The following MLXIPL variants were observed in gnomAD, a reference collection of about 807,000 sequenced individuals.
MLXIPL encodes MLX interacting protein like, also known as carbohydrate-responsive element-binding protein.
A neutral mutation model predicts 81.5 loss-of-function variants in MLXIPL; 49 were observed. That is an observed-to-expected ratio of 0.60 (90% CI 0.48 to 0.76). MLXIPL has a LOEUF of 0.76. MLXIPL is among the 30% of genes least tolerant of loss of function. The pLI is 0.00. For synonymous variants in MLXIPL, 466 were observed against 485.5 expected, an observed-to-expected ratio of 0.96 and a Z score of 0.53; for missense variants, 1,053 against 1,167.0, an observed-to-expected ratio of 0.90 and a Z score of 1.42.
chr7:73,605,545 C>T (rs1336138273), intron 7 of MLXIPL, 143 bp downstream of exon 7: 1 of 765,134 alleles, frequency 1.3e-6, no homozygotes, highest in Non-Finnish European at 2.1e-6. Context: ...GATGCCATCT[C>T]AAAATAAATA....
Position 73,605,628 on chromosome 7 carries a change from A to G in MLXIPL, c.901+60T>C, listed in dbSNP as rs1584108019. 16 of 1,544,680 alleles carry G rather than the reference A, an allele frequency of 1.0e-5. No individual in the cohort carries two copies. In the East Asian group the frequency reaches 3.1e-4, roughly 30 times the overall value. On this transcript the variant is annotated intron_variant, in intron 7 of 16. Coordinates refer to ENST00000313375, the MANE Select transcript of MLXIPL (RefSeq NM_032951.3). ...TCCCAGAGGGGCCTGGGATGGGCTC[A>G]TCGGCCTTCCTCACACAGACCCTGC...
chr7:73,607,418 G>C lies in MLXIPL; in HGVS notation c.486C>G (p.Ala162=), dbSNP rs782547072. 4.5e-6 allele frequency: 7 copies of C among 1,556,052 alleles called. No individual in the cohort carries two copies. In the East Asian group the frequency reaches 1.7e-4, roughly 38 times the overall value. ...PEADAHRKPE[A]VVLEGNYWKR... is the part of the protein sequence containing the mutation. ...TCCAGTAGTTCCCCTCCAGGACCAC[G>C]GCCTGGGGTAGGGGCCGGGGGAGGG... The change falls in exon 4 of 17, where the codon GCC becomes GCG. Residue 162 remains alanine (A), a splice_region_variant and synonymous_variant. Transcript: ENST00000313375.
intron 15 of MLXIPL, 98 bp from the exon 16 acceptor site, chr7:73,594,501 G>A: frequency 2.0e-6 from 3 of 1,484,940 alleles, no homozygotes; most frequent in Non-Finnish European, 2.8e-6. Context: ...AAAGGGCCTG[G>A]ACACTGTCTA....
chr7:73,641,904 G>A, the MLXIPL span, among the ~76,000 whole-genome samples: 3 of 151,974 alleles, frequency 2.0e-5, no homozygotes, highest in South Asian at 2.1e-4. Context: ...AAAGTGCTGG[G>A]ATTACAGACG....
At chr7:73,602,361 C>G in intron 7 of MLXIPL, among the ~76,000 whole-genome samples, 1 of 151,444 alleles carries the variant, frequency 6.6e-6, no homozygotes, top group East Asian at 2.0e-4. Context: ...ACAGGCCCCC[C>G]TGCTGCCTTT....
chr7:73,606,861 C>T lies in MLXIPL; in HGVS notation c.618+113G>A. 2.6e-6 allele frequency: 3 copies of T among 1,175,778 alleles called. No homozygotes were observed. The Admixed American group carries it at 5.9e-5, about 23-fold the overall frequency. The allele number at this position is 1,175,778 out of a possible 1,614,324, so 72.8% of individuals were successfully genotyped here. On this transcript the variant is annotated intron_variant, in intron 5 of 16. Transcript: ENST00000313375. ...GATGGCAGTAACATCCCACATTCCA[C>T]CCTCATGCCCAGCCACTGTCTTGCC...
chr7:73,595,620 G>T lies in MLXIPL; in HGVS notation c.2310+17C>A. On this transcript the variant is annotated intron_variant, in intron 15 of 16. Transcript: ENST00000313375. The stretch of plus-strand genomic sequence containing the variant: ...CAGCCCCTGCAGCCCCCCAGCCATG[G>T]GCTTGAGGGAGGATACCACCCAGAA... 6.2e-7 allele frequency: 1 copy of T among 1,614,112 alleles called. No individual in the cohort carries two copies. The highest frequency in any genetic ancestry group is 1.1e-5 in the South Asian group (1 of 91,088).
upstream of MLXIPL, among the ~76,000 whole-genome samples, chr7:73,627,857 C>T (rs1245285892): frequency 6.6e-6 from 1 of 152,066 alleles, no homozygotes; most frequent in African/African-American, 2.4e-5. Flanking sequence ...AGGTGAAGAC[C>T]GGAATTGATC....
chr7:73,632,681 C>T, the MLXIPL span, among the ~76,000 whole-genome samples: 3 of 152,048 alleles, frequency 2.0e-5, no homozygotes, highest in Non-Finnish European at 4.4e-5. Context: ...AGACAAGGGG[C>T]TTGTCACAGA....
At chr7:73,595,251 T>C (rs1554593237) in intron 15 of MLXIPL, among the ~76,000 whole-genome samples, 1 of 151,974 alleles carries the variant, frequency 6.6e-6, no homozygotes, top group Non-Finnish European at 1.5e-5. Flanking sequence ...CCATCCCCCA[T>C]CCCTGAGCTC....
intron 7 of MLXIPL, among the ~76,000 whole-genome samples, chr7:73,604,937 G>C (rs113167854): frequency 0.017 from 2,637 of 151,938 alleles, 85 homozygotes; most frequent in African/African-American, 0.061. Flanking sequence ...GCTAATTTTG[G>C]TACTTCTAGT....
the MLXIPL span, among the ~76,000 whole-genome samples, chr7:73,633,696 C>T: frequency 6.6e-6 from 1 of 152,154 alleles, no homozygotes; most frequent in Non-Finnish European, 1.5e-5. Flanking sequence ...TCCAGCAATC[C>T]TCCTGCCTCA....
upstream of MLXIPL, chr7:73,624,651 A>T (rs1584165042): frequency 2.4e-5 from 31 of 1,311,814 alleles, no homozygotes; most frequent in Non-Finnish European, 2.9e-5. Context: ...CATAATCCTT[A>T]CGCCAGGTGA....
chr7:73,623,513 C>T lies in MLXIPL; in HGVS notation c.293+687G>A, dbSNP rs985112243. Among the ~76,000 whole-genome samples, 1 of 152,066 alleles carries T rather than the reference C, an allele frequency of 6.6e-6. No individual in the cohort carries two copies. The highest frequency in any genetic ancestry group is 2.4e-5 in the African/African-American group (1 of 41,430). On this transcript the variant is annotated intron_variant, in intron 1 of 16. Transcript: ENST00000313375. This position sits in a 1 kb window ranked among gnomAD's most constrained non-coding sequence, Gnocchi z 5.7. ...GCGACGGGCGCTCAGCCTAGTGTGG[C>T]GACGTGGGTAGGCGAACCCAGGCCT...
chr7:73,620,542 C>T (rs1276752459), intron 1 of MLXIPL, among the ~76,000 whole-genome samples: 2 of 146,260 alleles, frequency 1.4e-5, no homozygotes, highest in Non-Finnish European at 3.0e-5. Flanking sequence ...AGTTCAAGAC[C>T]AGCCTGGCCA....
At chr7:73,620,890 A>C (rs1796306410) in intron 1 of MLXIPL, among the ~76,000 whole-genome samples, 1 of 151,986 alleles carries the variant, frequency 6.6e-6, no homozygotes, top group African/African-American at 2.4e-5. Context: ...GTCTCTACTG[A>C]AAATTAAAAA....
rs782181975 is a variant in MLXIPL, at chr7:73,595,825, G to A, written c.2186+17C>T. The A allele has an allele frequency of 2.4e-5, 39 of 1,593,612 alleles. No individual in the cohort carries two copies. The highest frequency in any genetic ancestry group is 1.4e-4 in the East Asian group (6 of 43,724). ...GCATGGCCCCCTGGTCCCAGCACCC[G>A]CCTGGACCCTGCCTACTTAATGGCG... On this transcript the variant is annotated intron_variant, in intron 14 of 16. Coordinates refer to ENST00000313375, the MANE Select transcript of MLXIPL (RefSeq NM_032951.3).
chr7:73,636,212 C>T, the MLXIPL span, among the ~76,000 whole-genome samples: 1 of 152,090 alleles, frequency 6.6e-6, no homozygotes, highest in Non-Finnish European at 1.5e-5. Flanking sequence ...GAGTTTAAGA[C>T]TAGCCTGGCC....
At chr7:73,635,894 T>C in the MLXIPL span, among the ~76,000 whole-genome samples, 128 of 152,298 alleles carry the variant, frequency 8.4e-4, no homozygotes, top group African/African-American at 3.0e-3. Context: ...GCTGATGTCA[T>C]GCCCTCTGTT....
Sources: allele counts gnomAD v4.1 joint callset (sites outside exome capture counted in the v4.1 genomes callset), GRCh38; gene constraint gnomAD v4.1.1; non-coding constraint Gnocchi (gnomAD v3.1); transcripts MANE v1.5; gene names NCBI Gene and HGNC (gene_info 2026-07-23, HGNC 2026-07-21).